The following FAM168A variants were observed in gnomAD, a reference collection of about 807,000 sequenced individuals.
FAM168A encodes the protein family with sequence similarity 168 member A, also known as protein FAM168A.
A neutral mutation model predicts 28.5 loss-of-function variants in FAM168A; 3 were observed. The ratio of observed to expected loss-of-function variants is 0.11; its 90% CI spans 0.05 to 0.27. The LOEUF (loss-of-function observed/expected upper bound fraction) is 0.27, where lower values mean the gene tolerates loss of function less well. Ranked by LOEUF, FAM168A falls within the 10% of genes least tolerant of loss-of-function variation. The pLI is 1.00. For synonymous variants in FAM168A, 122 were observed against 124.2 expected, an observed-to-expected ratio of 0.98 and a Z score of 0.12; for missense variants, 222 against 311.5, an observed-to-expected ratio of 0.71 and a Z score of 2.16.
chr11:73,496,751 G>A (rs957849701), intron 1 of FAM168A, among the ~76,000 whole-genome samples: 32 of 151,908 alleles, frequency 2.1e-4, no homozygotes, highest in East Asian at 1.9e-4. Context: ...TAGTAGAGAC[G>A]GGGTTTCACC....
intron 3 of FAM168A, among the ~76,000 whole-genome samples, chr11:73,421,204 T>C (rs1156242001): frequency 6.6e-6 from 1 of 152,130 alleles, no homozygotes; most frequent in Admixed American, 6.5e-5. Context: ...CTATACACTC[T>C]CTAATTCCAC....
At chr11:73,458,960 T>C (rs1216900122) in intron 2 of FAM168A, among the ~76,000 whole-genome samples, 2 of 152,226 alleles carry the variant, frequency 1.3e-5, no homozygotes, top group African/African-American at 4.8e-5. Flanking sequence ...TTAAATGAGA[T>C]CACAAATCGT....
At chr11:73,519,578 A>G (rs1361547656) in intron 1 of FAM168A, among the ~76,000 whole-genome samples, 1 of 152,212 alleles carries the variant, frequency 6.6e-6, no homozygotes, top group African/African-American at 2.4e-5. Context: ...CAAGGCAGTG[A>G]CAATTAAACA....
intron 1 of FAM168A, among the ~76,000 whole-genome samples, chr11:73,540,757 T>C (rs1262499917): frequency 6.6e-6 from 1 of 152,176 alleles, no homozygotes; most frequent in Non-Finnish European, 1.5e-5. Flanking sequence ...GCCCTTACAT[T>C]ATATTCTTTA....
At position 73,411,546 on chromosome 11, in the gene FAM168A, G is replaced by A; in HGVS notation, c.278-10C>T. On this transcript the variant is annotated splice_polypyrimidine_tract_variant and intron_variant, in intron 4 of 7. Transcript: ENST00000356467. ...GTCCCCGCAGTATATCCTGTACCAA[G>A]GCAATAAGAGAGACTTCCAGTTAGT... The A allele has an allele frequency of 1.9e-6, 3 of 1,614,024 alleles. No individual in the cohort carries two copies. Among genetic ancestry groups the A allele is most frequent in the Non-Finnish European group, 2.5e-6 (3 of 1,179,976 alleles).
intron 1 of FAM168A, among the ~76,000 whole-genome samples, chr11:73,474,007 A>G (rs1867852314): frequency 6.6e-6 from 1 of 151,902 alleles, no homozygotes; most frequent in Admixed American, 6.6e-5. Flanking sequence ...ATGGGGTTTC[A>G]CCATGTTGGC....
intron 2 of FAM168A, among the ~76,000 whole-genome samples, chr11:73,462,527 C>T (rs896707960): frequency 2.6e-5 from 4 of 152,080 alleles, no homozygotes; most frequent in South Asian, 2.1e-4. Context: ...TCAATAGTGA[C>T]GACAGTTGCA....
At chr11:73,516,031 G>A (rs1261235697) in intron 1 of FAM168A, among the ~76,000 whole-genome samples, 1 of 151,838 alleles carries the variant, frequency 6.6e-6, no homozygotes, top group Non-Finnish European at 1.5e-5. Context: ...AACCCAGGAG[G>A]CGGAGGTTGC....
intron 1 of FAM168A, among the ~76,000 whole-genome samples, chr11:73,533,835 G>A (rs1263572072): frequency 6.6e-6 from 1 of 152,144 alleles, no homozygotes; most frequent in African/African-American, 2.4e-5. Flanking sequence ...CTTTTGGGGG[G>A]AGTGCTTAAA....
chr11:73,539,667 C>A (rs1271277455), intron 1 of FAM168A, among the ~76,000 whole-genome samples: 1 of 152,206 alleles, frequency 6.6e-6, no homozygotes, highest in Non-Finnish European at 1.5e-5. Context: ...CACTTCTAAG[C>A]CAGGAGCATC....
At chr11:73,430,142 A>G (rs532842021) in intron 3 of FAM168A, 1 of 158,200 alleles carries the variant, frequency 6.3e-6, no homozygotes, top group African/African-American at 2.4e-5. Flanking sequence ...ACATTTTCAA[A>G]CCCATTTCAA....
At chr11:73,521,396 G>T (rs1041797047) in intron 1 of FAM168A, among the ~76,000 whole-genome samples, 6 of 151,894 alleles carry the variant, frequency 4.0e-5, no homozygotes, top group Non-Finnish European at 8.8e-5. Flanking sequence ...CTCATCATGG[G>T]CACTTGACCA....
At chr11:73,571,515 C>T (rs1944089563) in intron 1 of FAM168A, among the ~76,000 whole-genome samples, 1 of 151,958 alleles carries the variant, frequency 6.6e-6, no homozygotes, top group Non-Finnish European at 1.5e-5. Context: ...CCTGAGGTGC[C>T]GGGATTGCAG....
chr11:73,401,962 A>G lies in FAM168A; in HGVS notation c.*4801T>C, dbSNP rs1213951701. The G allele has an allele frequency of 6.6e-6, 1 of 152,270 alleles. No homozygotes were observed. Among genetic ancestry groups the G allele is most frequent in the Non-Finnish European group, 1.5e-5 (1 of 68,046 alleles). 9.4% of individuals were successfully genotyped at this position (152,270 alleles called of 1,614,324 possible). The stretch of plus-strand genomic sequence containing the variant: ...GAGGAGTTTTCTAGGAAAGGGGCAG[A>G]TAAGTAAAGGACAAACCCTGCAGCC... On this transcript the variant is annotated 3_prime_UTR_variant, in exon 8 of 8. Coordinates refer to ENST00000356467, the MANE Select transcript of FAM168A (RefSeq NM_015159.3).
intron 3 of FAM168A, among the ~76,000 whole-genome samples, chr11:73,423,112 T>C (rs1866826677): frequency 6.6e-6 from 1 of 152,222 alleles, no homozygotes; most frequent in African/African-American, 2.4e-5. Context: ...CACTCCTTGA[T>C]TGCTTCATAG....
intron 2 of FAM168A, among the ~76,000 whole-genome samples, chr11:73,457,769 A>AG (rs1333860295): frequency 6.6e-4 from 85 of 127,878 alleles, no homozygotes; most frequent in African/African-American, 3.2e-3. Flanking sequence ...AAGAAAGAAA[A>AG]GAAAAAAAAG....
intron 1 of FAM168A, among the ~76,000 whole-genome samples, chr11:73,536,589 AG>A (rs1246517162): frequency 1.3e-5 from 2 of 152,140 alleles, no homozygotes; most frequent in Non-Finnish European, 2.9e-5. Context: ...CGGGAGGCTG[AG>A]GCAGGAGAAT....
chr11:73,543,819 T>A (rs1355050269), intron 1 of FAM168A, among the ~76,000 whole-genome samples: 1 of 152,108 alleles, frequency 6.6e-6, no homozygotes, highest in African/African-American at 2.4e-5. Flanking sequence ...AAGAAGGATA[T>A]CACCAAGCTA....
chr11:73,438,352 A>G (rs1590775606), intron 2 of FAM168A, among the ~76,000 whole-genome samples: 1 of 152,232 alleles, frequency 6.6e-6, no homozygotes, highest in African/African-American at 2.4e-5. Flanking sequence ...AAGGCTTCTT[A>G]GAGAAATAAA....
Sources: allele counts gnomAD v4.1 joint callset (sites outside exome capture counted in the v4.1 genomes callset), GRCh38; gene constraint gnomAD v4.1.1; transcripts MANE v1.5; gene names NCBI Gene and HGNC (gene_info 2026-07-23, HGNC 2026-07-21).